The following ERC2 variants were observed in gnomAD, a reference collection of about 807,000 sequenced individuals.
The protein encoded by ERC2 is ERC protein 2.
A neutral mutation model predicts 114.8 loss-of-function variants in ERC2; 42 were observed. That is an observed-to-expected ratio of 0.37 (90% CI 0.29 to 0.47). The LOEUF (loss-of-function observed/expected upper bound fraction) is 0.47. Ranked by LOEUF, ERC2 falls within the 20% of genes least tolerant of loss-of-function variation. The probability of loss-of-function intolerance (pLI) is 0.99; values close to 1 mark genes in which losing one functional copy is unlikely to be tolerated. For missense variants in ERC2, 939 were observed against 1,150.7 expected, an observed-to-expected ratio of 0.82 and a Z score of 2.66; for synonymous variants, 454 against 425.5, an observed-to-expected ratio of 1.07 and a Z score of -0.82.
Position 56,434,383 on chromosome 3 carries a change from C to T in ERC2, c.625G>A (p.Glu209Lys). ...TCTTCATGGGAAACCCTCATCTGCT[C>T]CTTGAGGACAGACATCCGCGCTGCC... ...EEAARMSVLK[E>K]QMRVSHEENQ... The change falls in exon 2 of 18, where the codon GAG (glutamate) becomes AAG (lysine). Residue 209 changes from glutamate to lysine, a missense_variant. This residue lies in a region of ERC2 where 281 missense variants were observed against 307.4 expected (regional missense o/e 0.91). Coordinates refer to ENST00000288221, the MANE Select transcript of ERC2 (RefSeq NM_015576.3). The T allele has an allele frequency of 6.2e-7, 1 of 1,613,874 alleles. No homozygotes were observed. Among genetic ancestry groups the T allele is most frequent in the Non-Finnish European group, 8.5e-7 (1 of 1,179,890 alleles).
chr3:56,135,671 A>G (rs2080463966), intron 6 of ERC2, among the ~76,000 whole-genome samples: 1 of 152,224 alleles, frequency 6.6e-6, no homozygotes, highest in South Asian at 2.1e-4. Flanking sequence ...CACGCCACAC[A>G]GTTATTGAAT....
At chr3:56,369,823 C>A (rs1280017102) in intron 2 of ERC2, among the ~76,000 whole-genome samples, 1 of 152,148 alleles carries the variant, frequency 6.6e-6, no homozygotes, top group Non-Finnish European at 1.5e-5. Context: ...ACTACAGGTG[C>A]ACGCCATCAC....
intron 1 of ERC2, among the ~76,000 whole-genome samples, chr3:56,447,265 C>T (rs892522003): frequency 6.6e-6 from 1 of 152,222 alleles, no homozygotes; most frequent in Non-Finnish European, 1.5e-5. Context: ...ATCTTTCAGT[C>T]CGAGGGAGAA....
intron 17 of ERC2, among the ~76,000 whole-genome samples, chr3:55,536,705 G>A (rs2054021497): frequency 6.6e-6 from 1 of 152,216 alleles, no homozygotes; most frequent in African/African-American, 2.4e-5. Context: ...AAACAAACGG[G>A]TGTGGGAAAT....
In ERC2 at chr3:56,118,587, G is replaced by A. The variant is rs201747449; in HGVS notation, c.1473+20922C>T. Among the ~76,000 whole-genome samples, 5 of 150,988 alleles carry A rather than the reference G, an allele frequency of 3.3e-5. No homozygotes were observed. In the East Asian group the frequency reaches 7.8e-4, roughly 23 times the overall value. ...TTCCTTTACACAGCCTTATGCCTAC[G>A]TAGTATAATTCCCAGTTTTCTAAGG... On this transcript the variant is annotated intron_variant, in intron 6 of 17. Coordinates refer to ENST00000288221, the MANE Select transcript of ERC2 (RefSeq NM_015576.3).
intron 14 of ERC2, among the ~76,000 whole-genome samples, chr3:55,738,260 C>T (rs1028834262): frequency 6.6e-6 from 1 of 152,018 alleles, no homozygotes; most frequent in Non-Finnish European, 1.5e-5. Flanking sequence ...AAACATAAAG[C>T]TATACTCATA....
chr3:55,749,136 G>A (rs891552858), intron 14 of ERC2, among the ~76,000 whole-genome samples: 11 of 152,144 alleles, frequency 7.2e-5, no homozygotes, highest in African/African-American at 2.7e-4. Flanking sequence ...GGAGGCCTAG[G>A]AACCCAGAGA....
At chr3:55,800,657 C>G (rs1405487624) in intron 14 of ERC2, among the ~76,000 whole-genome samples, 1 of 151,994 alleles carries the variant, frequency 6.6e-6, no homozygotes, top group Admixed American at 6.6e-5. Flanking sequence ...AGAGTAGAGG[C>G]CAAGAGGCAA....
At chr3:55,963,264 GC>G (rs2068517411) in intron 12 of ERC2, among the ~76,000 whole-genome samples, 1 of 152,192 alleles carries the variant, frequency 6.6e-6, no homozygotes, top group Non-Finnish European at 1.5e-5. Context: ...GATGGATATA[GC>G]CCCAAAAGCA....
intron 6 of ERC2, among the ~76,000 whole-genome samples, chr3:56,092,866 G>A (rs542036662): frequency 1.6e-4 from 25 of 152,188 alleles, no homozygotes; most frequent in African/African-American, 5.8e-4. Flanking sequence ...ATGTAAGCAC[G>A]AAATTGTGTT....
At chr3:55,662,154 T>C (rs555119968) in intron 17 of ERC2, among the ~76,000 whole-genome samples, 20 of 152,360 alleles carry the variant, frequency 1.3e-4, no homozygotes, top group African/African-American at 2.4e-4. Context: ...TATTTGCCAA[T>C]TGGCAACCAA....
rs2149906181 is a variant in ERC2, at chr3:56,136,900, G to A, written c.1473+2609C>T. Among the ~76,000 whole-genome samples the A allele has an allele frequency of 1.3e-5, 2 of 152,296 alleles. 1 individual carries two copies. The highest frequency in any genetic ancestry group is 4.1e-4 in the South Asian group (2 of 4,828). On this transcript the variant is annotated intron_variant, in intron 6 of 17. Coordinates refer to ENST00000288221, the MANE Select transcript of ERC2 (RefSeq NM_015576.3). ...TCCCAACTTCAAAGCAGAAGACTTA[G>A]AAAATCATCTCACTTTCTCTGCACA...
At chr3:56,418,020 C>A (rs934380970) in intron 2 of ERC2, among the ~76,000 whole-genome samples, 1 of 152,070 alleles carries the variant, frequency 6.6e-6, no homozygotes, top group Non-Finnish European at 1.5e-5. Flanking sequence ...GGGGCAGTGG[C>A]TCATGTCTGT....
chr3:56,250,109 G>T (rs995868796), intron 3 of ERC2, among the ~76,000 whole-genome samples: 1 of 152,024 alleles, frequency 6.6e-6, no homozygotes, highest in African/African-American at 2.4e-5. Flanking sequence ...ACCTGCCTCC[G>T]CCTCCCAAAG....
At chr3:56,065,651 C>A in intron 7 of ERC2, among the ~76,000 whole-genome samples, 1 of 152,038 alleles carries the variant, frequency 6.6e-6, no homozygotes, top group East Asian at 1.9e-4. Flanking sequence ...GGTATTAAGC[C>A]CAGTGTGCAT....
intron 17 of ERC2, among the ~76,000 whole-genome samples, chr3:55,555,061 C>T (rs917582127): frequency 1.3e-5 from 2 of 152,058 alleles, no homozygotes; most frequent in African/African-American, 2.4e-5. Context: ...AAGTCAGCAC[C>T]GAGAGCAGTG....
rs990090143 is a variant in ERC2 at position 55,509,283 on chromosome 3, T to A, written c.*2033A>T. The A allele has an allele frequency of 6.6e-6, 1 of 152,564 alleles. No individual in the cohort carries two copies. Among genetic ancestry groups the A allele is most frequent in the Admixed American group, 6.5e-5 (1 of 15,278 alleles). The allele number at this position is 152,564 out of a possible 1,614,324, so 9.5% of individuals were successfully genotyped here. On this transcript the variant is annotated 3_prime_UTR_variant, in exon 18 of 18. Coordinates refer to ENST00000288221, the MANE Select transcript of ERC2 (RefSeq NM_015576.3). The stretch of plus-strand genomic sequence containing the variant: ...CTATTTTCCCTACTGGATTTCCTAC[T>A]TCCTACTTCAAGTATTCAGTTGCAG...
chr3:56,411,982 C>T (rs1576829407), intron 2 of ERC2, among the ~76,000 whole-genome samples: 1 of 152,322 alleles, frequency 6.6e-6, no homozygotes, highest in South Asian at 2.1e-4. Flanking sequence ...CTCCCTGAAC[C>T]TTTGAATGTG....
At chr3:56,053,197 C>T (rs1216322567) in intron 7 of ERC2, among the ~76,000 whole-genome samples, 1 of 152,188 alleles carries the variant, frequency 6.6e-6, no homozygotes, top group African/African-American at 2.4e-5. Context: ...GCTCAGCCCA[C>T]ATGCCTTGTG....
Sources: allele counts gnomAD v4.1 joint callset (sites outside exome capture counted in the v4.1 genomes callset), GRCh38; gene constraint gnomAD v4.1.1; regional missense constraint gnomAD v4.1.1; transcripts MANE v1.5; gene names NCBI Gene and HGNC (gene_info 2026-07-23, HGNC 2026-07-21).